Variants in WDR41 observed in about 807,000 individuals in gnomAD.
WDR41 encodes the protein WD repeat domain 41.
In WDR41, 63 loss-of-function variants were observed where a neutral mutation model predicts 69.3. The observed-to-expected ratio is 0.91, with a 90% CI of 0.74 to 1.12. WDR41 has a LOEUF of 1.12. Ranked by LOEUF, WDR41 falls within the 50% of genes most tolerant of loss-of-function variation. The probability of loss-of-function intolerance (pLI) is 0.00; values close to 1 mark genes in which losing one functional copy is unlikely to be tolerated. For synonymous variants in WDR41, 185 were observed against 192.1 expected, an observed-to-expected ratio of 0.96 and a Z score of 0.31; for missense variants, 543 against 534.5, an observed-to-expected ratio of 1.02 and a Z score of -0.16.
At chr5:77,532,645 A>C (rs566944915) in intron 1 of WDR41, among the ~76,000 whole-genome samples, 2 of 152,264 alleles carry the variant, frequency 1.3e-5, no homozygotes, top group East Asian at 3.9e-4. Context: ...AACTCACTAC[A>C]GCAGTACACA....
At chr5:77,489,596 G>T in intron 1 of WDR41, 24 bp from the exon 2 acceptor site, 5 of 1,220,292 alleles carry the variant, frequency 4.1e-6, no homozygotes, top group South Asian at 1.4e-5. Flanking sequence ...AAAAAAAAAA[G>T]CAAAAAACAA....
At chr5:77,493,976 T>A (rs1241184167), upstream of WDR41, among the ~76,000 whole-genome samples, 1 of 151,764 alleles carries the variant, frequency 6.6e-6, no homozygotes, top group African/African-American at 2.4e-5. Flanking sequence ...TTTACAAGAT[T>A]AGTATATTAT....
intron 1 of WDR41, among the ~76,000 whole-genome samples, chr5:77,511,610 C>T (rs772657370): frequency 1.2e-4 from 18 of 152,024 alleles, no homozygotes; most frequent in African/African-American, 1.9e-4. Context: ...CTATGTAACC[C>T]GTGGAGCAAT....
intron 1 of WDR41, among the ~76,000 whole-genome samples, chr5:77,597,830 T>C (rs1340527563): frequency 6.6e-6 from 1 of 152,196 alleles, no homozygotes; most frequent in Non-Finnish European, 1.5e-5. Context: ...TGTTTTGAAA[T>C]AATTTAACTT....
intron 2 of WDR41, among the ~76,000 whole-genome samples, chr5:77,488,302 T>A (rs2112109548): frequency 6.6e-6 from 1 of 152,040 alleles, no homozygotes; most frequent in South Asian, 2.1e-4. Flanking sequence ...TCAGTAACAT[T>A]TAAAGAGCAG....
intron 1 of WDR41, among the ~76,000 whole-genome samples, chr5:77,549,933 T>G (rs1230559253): frequency 6.6e-6 from 1 of 151,378 alleles, no homozygotes. Context: ...AACCCAGAAA[T>G]AAAGCTGCAC....
At chr5:77,462,888 T>G (rs1020989287) in intron 4 of WDR41, among the ~76,000 whole-genome samples, 1 of 152,218 alleles carries the variant, frequency 6.6e-6, no homozygotes, top group East Asian at 1.9e-4. Flanking sequence ...TCACGGAGTT[T>G]CCATCAATAA....
At chr5:77,551,147 C>G (rs1743287752) in intron 1 of WDR41, among the ~76,000 whole-genome samples, 1 of 152,064 alleles carries the variant, frequency 6.6e-6, no homozygotes, top group East Asian at 1.9e-4. Flanking sequence ...TACCCGAAAC[C>G]TCAGCATCAT....
intron 2 of WDR41, among the ~76,000 whole-genome samples, chr5:77,469,298 G>A (rs1258820242): frequency 6.6e-6 from 1 of 152,136 alleles, no homozygotes; most frequent in Non-Finnish European, 1.5e-5. Flanking sequence ...TGTAAATGAT[G>A]AGTTAATCGG....
Position 77,577,321 on chromosome 5 carries a change from C to CA in WDR41, c.42+43157dup, listed in dbSNP as rs1248831645. ...CACTCCCCTGCCCCCTTCCCCCCAC[C>CA]AAAAAAAAAGAAAAGAAAAATGGGC... On this transcript the variant is annotated intron_variant, in intron 1 of 5. Coordinates refer to the WDR41 transcript ENST00000509971. Among the ~76,000 whole-genome samples, 667 of 142,468 alleles carry CA rather than the reference C, an allele frequency of 4.7e-3. 3 individuals carry two copies. Among genetic ancestry groups the CA allele is most frequent in the Non-Finnish European group, 7.6e-3 (492 of 64,992 alleles). The allele number at this position is 142,468 out of a possible 152,430, so 93.5% of individuals were successfully genotyped here.
Position 77,587,628 on chromosome 5 carries a change from T to G in WDR41, c.42+32851A>C, listed in dbSNP as rs115553119. On this transcript the variant is annotated intron_variant, in intron 1 of 5. Coordinates refer to the WDR41 transcript ENST00000509971. ...TGTTGAGCACTGTTATGGACTGAAT[T>G]GTGTCCTCTCAAAATTCATTTGTTG... is the stretch of plus-strand genomic sequence containing the variant. Among the ~76,000 whole-genome samples, 943 of 152,338 alleles carry G rather than the reference T, an allele frequency of 6.2e-3. 2 individuals are homozygous for G. The highest frequency in any genetic ancestry group is 9.5e-3 in the Non-Finnish European group (645 of 68,036).
At chr5:77,513,856 G>A (rs529354005) in intron 1 of WDR41, among the ~76,000 whole-genome samples, 18 of 152,194 alleles carry the variant, frequency 1.2e-4, no homozygotes, top group Non-Finnish European at 2.4e-4. Context: ...TTTCTGCTCC[G>A]TTTTTCAACT....
intron 2 of WDR41, among the ~76,000 whole-genome samples, chr5:77,471,326 A>G (rs1272348328): frequency 3.3e-5 from 5 of 152,218 alleles, no homozygotes; most frequent in Non-Finnish European, 5.9e-5. Flanking sequence ...AGAAAGCAGG[A>G]AAGATCTAAA....
chr5:77,498,675 C>T (rs1238317453), intron 1 of WDR41, among the ~76,000 whole-genome samples: 1 of 151,658 alleles, frequency 6.6e-6, no homozygotes, highest in Non-Finnish European at 1.5e-5. Context: ...TAAAATTAAC[C>T]GAGCATGGTG....
intron 2 of WDR41, among the ~76,000 whole-genome samples, chr5:77,468,264 G>T (rs559197308): frequency 6.6e-6 from 1 of 152,124 alleles, no homozygotes; most frequent in Admixed American, 6.6e-5. Flanking sequence ...CTATATAGAT[G>T]CTTAAACCTA....
intron 1 of WDR41, among the ~76,000 whole-genome samples, chr5:77,566,521 C>T (rs995895823): frequency 6.6e-6 from 1 of 152,128 alleles, no homozygotes; most frequent in Non-Finnish European, 1.5e-5. Context: ...GCTATTAAAG[C>T]AAGCCAAGAC....
intron 7 of WDR41, among the ~76,000 whole-genome samples, chr5:77,450,385 A>G (rs1239785259): frequency 2.0e-5 from 3 of 152,242 alleles, no homozygotes; most frequent in Non-Finnish European, 4.4e-5. Flanking sequence ...TTCTCTGAGT[A>G]TGTCTTATAA....
intron 1 of WDR41, among the ~76,000 whole-genome samples, chr5:77,620,020 CAT>C (rs901371739): frequency 1.3e-5 from 2 of 151,972 alleles, no homozygotes; most frequent in South Asian, 2.1e-4. Flanking sequence ...AAGAAATAAG[CAT>C]ATATATATGC....
In WDR41 at chr5:77,433,100, C is replaced by T. The variant is rs1481573131; in HGVS notation, c.*35G>A. The T allele has an allele frequency of 4.5e-6, 7 of 1,565,982 alleles. No homozygotes were observed. Among genetic ancestry groups the T allele is most frequent in the Non-Finnish European group, 6.1e-6 (7 of 1,156,794 alleles). On this transcript the variant is annotated 3_prime_UTR_variant, in exon 13 of 13. Transcript: ENST00000296679. Reference sequence around the variant, plus strand: ...AGAGTAGTACCCGATATTTGATGTTCAAGGTTCATGCATGTGTATTTTTAA... The same window carrying T: ...AGAGTAGTACCCGATATTTGATGTTTAAGGTTCATGCATGTGTATTTTTAA...
Sources: gnomAD v4.1 joint callset for allele counts (sites outside exome capture counted in the v4.1 genomes callset) on GRCh38, gnomAD v4.1.1 for gene constraint, MANE v1.5 for transcripts, NCBI Gene and HGNC (gene_info 2026-07-23, HGNC 2026-07-21) for gene names.